RASSF8: variants seen among roughly 807,000 people sequenced by gnomAD.
RASSF8 encodes Ras association domain family member 8, also known as ras association domain-containing protein 8.
A neutral mutation model predicts 48.5 loss-of-function variants in RASSF8; 22 were observed. That is an observed-to-expected ratio of 0.45 (90% CI 0.32 to 0.65). The LOEUF (loss-of-function observed/expected upper bound fraction) is 0.65. Ranked by LOEUF, RASSF8 falls within the 30% of genes least tolerant of loss-of-function variation. RASSF8 has a pLI of 0.03. For synonymous variants in RASSF8, 127 were observed against 171.5 expected, an observed-to-expected ratio of 0.74 and a Z score of 2.03; for missense variants, 418 against 489.2, an observed-to-expected ratio of 0.85 and a Z score of 1.37.
At chr12:26,028,771 A>G (rs1479656142) in intron 2 of RASSF8, among the ~76,000 whole-genome samples, 3 of 152,176 alleles carry the variant, frequency 2.0e-5, no homozygotes, top group Non-Finnish European at 4.4e-5. Flanking sequence ...AGGTCTCTTT[A>G]TTATATGTAA....
chr12:26,077,555 C>T (rs188502484), downstream of RASSF8, among the ~76,000 whole-genome samples: 407 of 152,176 alleles, frequency 2.7e-3, 2 homozygotes, highest in African/African-American at 9.2e-3. Flanking sequence ...TCAGGTTTGT[C>T]AAAGATCAGA....
chr12:26,033,622 G>T (rs1274521998), intron 2 of RASSF8, among the ~76,000 whole-genome samples: 1 of 151,886 alleles, frequency 6.6e-6, no homozygotes, highest in East Asian at 1.9e-4. Flanking sequence ...AATGATAGAG[G>T]CATAAGATGA....
intron 2 of RASSF8, among the ~76,000 whole-genome samples, chr12:26,053,199 AG>A (rs1332437520): frequency 6.8e-6 from 1 of 146,846 alleles, no homozygotes; most frequent in Non-Finnish European, 1.5e-5. Context: ...AAAAAAAAAA[AG>A]TCCTATAGAA....
intron 1 of RASSF8, among the ~76,000 whole-genome samples, chr12:25,982,672 G>A (rs1476708870): frequency 6.6e-6 from 1 of 152,140 alleles, no homozygotes; most frequent in Non-Finnish European, 1.5e-5. Flanking sequence ...GTCCCTTGTT[G>A]CACTGGAGAC....
chr12:26,052,380 G>A (rs1943509428), intron 2 of RASSF8, among the ~76,000 whole-genome samples: 1 of 152,160 alleles, frequency 6.6e-6, no homozygotes, highest in South Asian at 2.1e-4. Flanking sequence ...TAGTGAATAA[G>A]CCTAGTGCTT....
chr12:26,057,638 T>TA (rs1378539711), intron 3 of RASSF8, among the ~76,000 whole-genome samples: 2 of 152,220 alleles, frequency 1.3e-5, no homozygotes, highest in Non-Finnish European at 2.9e-5. Flanking sequence ...TTTGGGTATA[T>TA]ACGCAATAAT....
At chr12:26,035,394 T>G (rs921370370) in intron 2 of RASSF8, among the ~76,000 whole-genome samples, 2 of 140,534 alleles carry the variant, frequency 1.4e-5, no homozygotes, top group Non-Finnish European at 3.1e-5. Flanking sequence ...AATATAATTA[T>G]ATGAAATTAT....
intron 1 of RASSF8, among the ~76,000 whole-genome samples, chr12:25,964,503 TTGTCAC>T (rs2136827292): frequency 6.6e-6 from 1 of 152,310 alleles, no homozygotes; most frequent in East Asian, 1.9e-4. Context: ...GTAATATATT[TTGTCAC>T]TGTTGTTATA....
chr12:26,024,889 G>A (rs1005051660), intron 2 of RASSF8, among the ~76,000 whole-genome samples: 7 of 152,056 alleles, frequency 4.6e-5, no homozygotes, highest in South Asian at 2.1e-4. Context: ...TCTGGGAGGC[G>A]GAGCTTGCAG....
intron 2 of RASSF8, among the ~76,000 whole-genome samples, chr12:26,009,850 G>A (rs1390871043): frequency 6.6e-6 from 1 of 152,230 alleles, no homozygotes; most frequent in Non-Finnish European, 1.5e-5. Flanking sequence ...AATGGAAAGT[G>A]AGAAAATGAA....
Position 26,020,798 on chromosome 12 carries a change from C to T in RASSF8, c.-109+25668C>T, listed in dbSNP as rs1337355469. 2.6e-5 allele frequency among the ~76,000 whole-genome samples: 4 copies of T among 152,112 alleles called. No homozygotes were observed. In the South Asian group the frequency reaches 8.3e-4, roughly 32 times the overall value. ...AAATACAGTCTGTGAAGTTAATTTT[C>T]CTTTGTTTAAACCTTGCTTTTCCAC... On this transcript the variant is annotated intron_variant, in intron 2 of 5. Coordinates refer to ENST00000689635, the MANE Select transcript of RASSF8 (RefSeq NM_001394098.1).
intron 2 of RASSF8, among the ~76,000 whole-genome samples, chr12:26,048,383 A>G (rs1943417387): frequency 6.6e-6 from 1 of 152,192 alleles, no homozygotes. Context: ...GGGAAGAAGA[A>G]TATAGCAAGG....
At chr12:26,019,563 C>CTGTGTGTGTGTGTGTGTG (rs56895234) in intron 2 of RASSF8, among the ~76,000 whole-genome samples, 2 of 148,200 alleles carry the variant, frequency 1.3e-5, no homozygotes, top group African/African-American at 5.0e-5. Flanking sequence ...CGGGCATACA[C>CTGTGTGTGTGTGTGTGTG]TGTGTGTGTG....
chr12:26,017,045 G>A (rs1942668057), intron 2 of RASSF8, among the ~76,000 whole-genome samples: 1 of 152,072 alleles, frequency 6.6e-6, no homozygotes, highest in Non-Finnish European at 1.5e-5. Flanking sequence ...AATATTAAAT[G>A]AGGAAACATT....
In RASSF8 at chr12:26,031,052, G is replaced by A. The variant is rs115549231; in HGVS notation, c.-108-24184G>A. ...ATATTTCTTCTTAAATATGTCTGCA[G>A]CTTTTACTGCTGCAGCTTTCAGTAT... On this transcript the variant is annotated intron_variant, in intron 2 of 5. Transcript: ENST00000689635. Among the ~76,000 whole-genome samples the A allele has an allele frequency of 4.5e-3, 686 of 152,276 alleles. 5 individuals are homozygous for A. Among genetic ancestry groups the A allele is most frequent in the African/African-American group, 0.016 (662 of 41,566 alleles).
chr12:26,010,353 A>G (rs993255222), intron 2 of RASSF8, among the ~76,000 whole-genome samples: 1 of 152,242 alleles, frequency 6.6e-6, no homozygotes, highest in Non-Finnish European at 1.5e-5. Context: ...CTGGGGGACC[A>G]TCTTTACCAA....
downstream of RASSF8, chr12:26,072,889 T>C: frequency 1.2e-6 from 1 of 857,190 alleles, no homozygotes; most frequent in South Asian, 5.4e-5. Flanking sequence ...TCAGTTTGTT[T>C]CTTACATCCT....
At chr12:25,979,710 T>C (rs1941692561) in intron 1 of RASSF8, among the ~76,000 whole-genome samples, 1 of 152,188 alleles carries the variant, frequency 6.6e-6, no homozygotes, top group Non-Finnish European at 1.5e-5. Flanking sequence ...CAAGGGCAGC[T>C]CCACCATTAT....
Position 26,071,017 on chromosome 12 carries a change from CA to C in RASSF8, c.*2201del. On this transcript the variant is annotated 3_prime_UTR_variant, in exon 6 of 6. Coordinates refer to ENST00000689635, the MANE Select transcript of RASSF8 (RefSeq NM_001394098.1). ...TCTCTGACAACTTCATCAGAATTTCCAAGCTGCCAAATAATCTTCATAGACC... is the reference window on the plus strand; with the variant it reads ...TCTCTGACAACTTCATCAGAATTTCCAGCTGCCAAATAATCTTCATAGACC... 1.0e-6 allele frequency: 1 copy of C among 985,168 alleles called. No individual in the cohort carries two copies. Among genetic ancestry groups the C allele is most frequent in the Non-Finnish European group, 1.2e-6 (1 of 829,750 alleles). 61.0% of individuals were successfully genotyped at this position (985,168 alleles called of 1,614,324 possible).
Sources: gnomAD v4.1 joint callset for allele counts (sites outside exome capture counted in the v4.1 genomes callset) on GRCh38, gnomAD v4.1.1 for gene constraint, MANE v1.5 for transcripts, NCBI Gene and HGNC (gene_info 2026-07-23, HGNC 2026-07-21) for gene names.